Variants in CRTC3 observed in about 807,000 individuals in gnomAD.
CRTC3 encodes CREB regulated transcription coactivator 3.
A neutral mutation model predicts 74.5 loss-of-function variants in CRTC3; 26 were observed. That is an observed-to-expected ratio of 0.35 (90% confidence interval 0.26 to 0.48). CRTC3 has a LOEUF of 0.48. Ranked by LOEUF, CRTC3 falls within the 20% of genes least tolerant of loss-of-function variation. The probability of loss-of-function intolerance (pLI) is 0.99; values close to 1 mark genes in which losing one functional copy is unlikely to be tolerated. For synonymous variants in CRTC3, 377 were observed against 325.8 expected (o/e 1.16, Z -1.69); for missense variants, 760 against 787.3 (o/e 0.97, Z 0.41).
At chr15:90,636,466 C>G (rs1320077875) in intron 11 of CRTC3, among the ~76,000 whole-genome samples, 1 of 150,818 alleles carries the variant, frequency 6.6e-6, no homozygotes, top group Non-Finnish European at 1.5e-5. Flanking sequence ...AGAAGAAAAC[C>G]TAGGCAATAC....
chr15:90,589,708 C>T (rs1355733748), intron 2 of CRTC3, among the ~76,000 whole-genome samples: 4 of 152,142 alleles, frequency 2.6e-5, no homozygotes, highest in Non-Finnish European at 2.9e-5. Flanking sequence ...AAATACTGGC[C>T]GGGTGCAGTT....
chr15:90,644,927 T>C lies in CRTC3; in HGVS notation c.*2787T>C, dbSNP rs1334535414. The C allele has an allele frequency of 4.3e-6, 1 of 232,464 alleles. No individual in the cohort carries two copies. The highest frequency in any genetic ancestry group is 8.5e-6 in the Non-Finnish European group (1 of 117,546). The allele number at this position is 232,464 out of a possible 1,614,324, so 14.4% of individuals were successfully genotyped here. On this transcript the variant is annotated 3_prime_UTR_variant, in exon 15 of 15. Transcript: ENST00000268184. Reference sequence around the variant, plus strand: ...TAAAAACCTGTCTGCATTTCCATTTTTTCTTTCTGTATGGTTGTGGGTTTT... The same window carrying C: ...TAAAAACCTGTCTGCATTTCCATTTCTTCTTTCTGTATGGTTGTGGGTTTT...
intron 2 of CRTC3, among the ~76,000 whole-genome samples, chr15:90,555,425 G>A (rs528430517): frequency 6.6e-6 from 1 of 152,322 alleles, no homozygotes; most frequent in East Asian, 1.9e-4. Context: ...ATCAGTTTAA[G>A]AAGCTCATAA....
chr15:90,545,259 G>A (rs1408515056), intron 2 of CRTC3, among the ~76,000 whole-genome samples: 1 of 152,156 alleles, frequency 6.6e-6, no homozygotes, highest in Admixed American at 6.5e-5. Context: ...GGATACTTGG[G>A]TTGCCGCCAC....
intron 3 of CRTC3, 32 bp downstream of exon 3, chr15:90,593,787 C>A: frequency 6.4e-7 from 1 of 1,555,914 alleles, no homozygotes; most frequent in Middle Eastern, 1.7e-4. Flanking sequence ...AGGGAGTGTG[C>A]ATTCTGAAAT....
intron 4 of CRTC3, among the ~76,000 whole-genome samples, chr15:90,603,356 T>C (rs1567180619): frequency 6.6e-6 from 1 of 150,798 alleles, no homozygotes; most frequent in Non-Finnish European, 1.5e-5. Flanking sequence ...GGCAGGAGAA[T>C]GGCGTGAACC....
At chr15:90,610,258 CA>C (rs1195814522) in intron 6 of CRTC3, among the ~76,000 whole-genome samples, 1 of 152,154 alleles carries the variant, frequency 6.6e-6, no homozygotes, top group East Asian at 1.9e-4. Context: ...AAGATTTAAA[CA>C]GTGATGGGAA....
chr15:90,614,043 A>C (rs1968428485), intron 6 of CRTC3: 2 of 159,584 alleles, frequency 1.3e-5, no homozygotes, highest in Non-Finnish European at 2.7e-5. Flanking sequence ...TCCTGTAGAC[A>C]CCCATGGTAA....
At chr15:90,598,835 G>C in intron 3 of CRTC3, 1 of 308,096 alleles carries the variant, frequency 3.2e-6, no homozygotes, top group South Asian at 3.6e-5. Flanking sequence ...ATTGGCCAAG[G>C]CGAGCATGGA....
At chr15:90,561,229 C>A (rs1329733131) in intron 2 of CRTC3, among the ~76,000 whole-genome samples, 1 of 152,160 alleles carries the variant, frequency 6.6e-6, no homozygotes, top group Non-Finnish European at 1.5e-5. Context: ...TGCAAAGTTC[C>A]TAGTATAAAC....
At chr15:90,639,837 G>T (rs570997861) in intron 13 of CRTC3, among the ~76,000 whole-genome samples, 1 of 151,106 alleles carries the variant, frequency 6.6e-6, no homozygotes, top group South Asian at 2.1e-4. Context: ...CATGAGGTCA[G>T]GAGATCGAGA....
intron 2 of CRTC3, among the ~76,000 whole-genome samples, chr15:90,570,372 G>C (rs1373762394): frequency 6.6e-6 from 1 of 152,042 alleles, no homozygotes; most frequent in Non-Finnish European, 1.5e-5. Context: ...ATCTCATGTG[G>C]GTTTCTTCTC....
chr15:90,604,315 A>G, intron 4 of CRTC3, 70 bp from the exon 5 acceptor site: 2 of 1,192,038 alleles, frequency 1.7e-6, no homozygotes, highest in Non-Finnish European at 2.5e-6. Context: ...CTCAAATGCA[A>G]GTGCTGAGGC....
chr15:90,574,521 A>G (rs555556827), intron 2 of CRTC3, among the ~76,000 whole-genome samples: 1 of 152,304 alleles, frequency 6.6e-6, no homozygotes, highest in East Asian at 1.9e-4. Context: ...GAACAACATT[A>G]TGCACATACA....
intron 2 of CRTC3, among the ~76,000 whole-genome samples, chr15:90,543,556 G>A (rs1966837770): frequency 6.6e-6 from 1 of 152,034 alleles, no homozygotes; most frequent in Non-Finnish European, 1.5e-5. Flanking sequence ...TGAAATAAAA[G>A]TATGCTCTAC....
chr15:90,540,081 C>G lies in CRTC3; in HGVS notation c.175C>G (p.His59Asp). 1.2e-6 allele frequency: 2 copies of G among 1,613,524 alleles called. No homozygotes were observed. The highest frequency in any genetic ancestry group is 1.7e-6 in the Non-Finnish European group (2 of 1,179,850). Residue 59 changes from histidine (H) to aspartate (D), a missense_variant, in exon 2 of 15, where the codon CAT becomes GAT. Coordinates refer to ENST00000268184, the MANE Select transcript of CRTC3 (RefSeq NM_022769.5). ...KLQQLRLTQY[H>D]GGSLPNVSQL... Reference sequence around the variant, plus strand: ...TCAGCAACTGCGCCTTACACAGTACCATGGAGGATCCTTACCAAATGTGAG... The same window carrying G: ...TCAGCAACTGCGCCTTACACAGTACGATGGAGGATCCTTACCAAATGTGAG...
rs374396196 is a variant in CRTC3 at position 90,593,647 on chromosome 15, C to T, written c.243C>T (p.His81=). The T allele has an allele frequency of 5.0e-6, 8 of 1,607,666 alleles. No homozygotes were observed. The highest frequency in any genetic ancestry group is 1.6e-4 in the Middle Eastern group (1 of 6,064). ...SSASEFQPSF[H]QADNVRGTRH... is the part of the protein sequence containing the mutation. ...CCTTCTCTCTGCAGCCGTCATTTCA[C>T]CAAGCTGATAATGTTCGGGGAACCC... The change falls in exon 3 of 15, where the codon CAC becomes CAT. Residue 81 remains histidine (H), a synonymous_variant. Transcript: ENST00000268184.
At chr15:90,534,002 ACTTGAT>A (rs1966676541) in intron 1 of CRTC3, among the ~76,000 whole-genome samples, 1 of 152,128 alleles carries the variant, frequency 6.6e-6, no homozygotes, top group Non-Finnish European at 1.5e-5. Flanking sequence ...AGGATTTGGA[ACTTGAT>A]CTTAAGGGCA....
chr15:90,603,810 G>A (rs1195285729), intron 4 of CRTC3, among the ~76,000 whole-genome samples: 3 of 152,224 alleles, frequency 2.0e-5, no homozygotes, highest in African/African-American at 7.2e-5. Flanking sequence ...AGGAAATAAA[G>A]ATGGGTAACA....
Sources: gnomAD v4.1 joint callset for allele counts (sites outside exome capture counted in the v4.1 genomes callset) on GRCh38, gnomAD v4.1.1 for gene constraint, MANE v1.5 for transcripts, NCBI Gene and HGNC (gene_info 2026-07-23, HGNC 2026-07-21) for gene names.